Variants in ADGRL2 observed in about 807,000 individuals in gnomAD.
ADGRL2 encodes adhesion G protein-coupled receptor L2.
Under a neutral mutation model 157.4 loss-of-function variants are expected in ADGRL2, and 44 were observed. The ratio of observed to expected loss-of-function variants is 0.28; its 90% confidence interval spans 0.22 to 0.36. The LOEUF (loss-of-function observed/expected upper bound fraction) is 0.36, where lower values mean the gene tolerates loss of function less well. Among genes scored for constraint, ADGRL2 ranks in the 10% least tolerant of loss-of-function variants. The pLI is 1.00. For missense variants in ADGRL2, 1,510 were observed against 1,768.9 expected (o/e 0.85, Z 2.63); for synonymous variants, 585 against 624.7 (o/e 0.94, Z 0.95).
chr1:81,467,871 A>AACTTC (rs10655627), intron 2 of ADGRL2, among the ~76,000 whole-genome samples: 2 of 151,970 alleles, frequency 1.3e-5, no homozygotes, highest in African/African-American at 4.8e-5. Context: ...TAAAAATGTT[A>AACTTC]TGAAGTATAA....
intron 1 of ADGRL2, among the ~76,000 whole-genome samples, chr1:81,732,598 TAGC>T (rs2149183847): frequency 6.6e-6 from 1 of 152,228 alleles, no homozygotes; most frequent in African/African-American, 2.4e-5. Flanking sequence ...CAAACTGAAA[TAGC>T]AGCTGTGAAA....
chr1:81,749,171 T>G (rs2085409890), intron 1 of ADGRL2, among the ~76,000 whole-genome samples: 1 of 152,208 alleles, frequency 6.6e-6, no homozygotes, highest in Non-Finnish European at 1.5e-5. Flanking sequence ...TTTCTTTCCC[T>G]TCTACCTTCC....
upstream of ADGRL2, among the ~76,000 whole-genome samples, chr1:81,694,785 C>A (rs1286582863): frequency 6.6e-6 from 1 of 152,038 alleles, no homozygotes; most frequent in Admixed American, 6.6e-5. Flanking sequence ...CTGTGGCTTC[C>A]AGTACTGCAT....
chr1:81,868,525 A>G (rs886348043), intron 2 of ADGRL2, among the ~76,000 whole-genome samples: 2 of 152,044 alleles, frequency 1.3e-5, no homozygotes, highest in African/African-American at 2.4e-5. Context: ...GTTCAGCCAT[A>G]CTGATCTTAT....
chr1:81,517,197 G>T (rs1457693660), intron 2 of ADGRL2, among the ~76,000 whole-genome samples: 1 of 151,962 alleles, frequency 6.6e-6, no homozygotes, highest in Admixed American at 6.6e-5. Context: ...AACCGGCCGG[G>T]CACGGTGGCT....
At chr1:81,803,552 C>T (rs2088640472) in intron 1 of ADGRL2, among the ~76,000 whole-genome samples, 1 of 152,038 alleles carries the variant, frequency 6.6e-6, no homozygotes. Context: ...CATCTTTTCT[C>T]CCTCTCCCCG....
intron 2 of ADGRL2, among the ~76,000 whole-genome samples, chr1:81,771,555 ATC>A (rs2086370102): frequency 6.6e-6 from 1 of 152,348 alleles, no homozygotes. Context: ...AGGAAAAAAA[ATC>A]TCTCTTGAAA....
intron 3 of ADGRL2, among the ~76,000 whole-genome samples, chr1:81,688,598 T>G (rs2083275482): frequency 6.6e-6 from 1 of 152,206 alleles, no homozygotes; most frequent in Non-Finnish European, 1.5e-5. Context: ...TGGATTTCCT[T>G]GCATTGGGCT....
intron 2 of ADGRL2, among the ~76,000 whole-genome samples, chr1:81,475,837 A>G (rs2078261152): frequency 6.6e-6 from 1 of 152,226 alleles, no homozygotes; most frequent in Non-Finnish European, 1.5e-5. Flanking sequence ...GAGGATGTTC[A>G]GAAAAATTGT....
intron 6 of ADGRL2, among the ~76,000 whole-genome samples, chr1:81,945,832 C>T (rs980462667): frequency 1.3e-5 from 2 of 151,754 alleles, no homozygotes; most frequent in African/African-American, 4.8e-5. Flanking sequence ...TATTATCTGA[C>T]CTAAATTTCT....
intron 2 of ADGRL2, among the ~76,000 whole-genome samples, chr1:81,560,977 A>G (rs978867295): frequency 3.3e-5 from 5 of 152,016 alleles, no homozygotes; most frequent in South Asian, 2.1e-4. Flanking sequence ...CAGTGAAGCT[A>G]TTCTTTCTGC....
intron 3 of ADGRL2, among the ~76,000 whole-genome samples, chr1:81,925,094 A>G (rs2095073770): frequency 6.6e-6 from 1 of 152,098 alleles, no homozygotes; most frequent in African/African-American, 2.4e-5. Flanking sequence ...TCTATGTGGG[A>G]AAGAAGGACA....
intron 2 of ADGRL2, among the ~76,000 whole-genome samples, chr1:81,855,207 G>A (rs921809093): frequency 2.0e-5 from 3 of 152,172 alleles, no homozygotes; most frequent in Non-Finnish European, 4.4e-5. Context: ...GGGAGACTGA[G>A]GTGGGAGGAT....
chr1:81,527,018 A>G (rs1365339006), intron 2 of ADGRL2, among the ~76,000 whole-genome samples: 1 of 152,232 alleles, frequency 6.6e-6, no homozygotes, highest in African/African-American at 2.4e-5. Flanking sequence ...ATTAAAATCA[A>G]AATGATCTTT....
intron 1 of ADGRL2, among the ~76,000 whole-genome samples, chr1:81,313,000 T>A (rs1389018053): frequency 6.6e-6 from 1 of 152,072 alleles, no homozygotes; most frequent in Admixed American, 6.6e-5. Context: ...ATGGAAAAAA[T>A]ACCCATTTCT....
chr1:81,515,180 C>A (rs1231595582), intron 2 of ADGRL2: 1 of 151,896 alleles, frequency 6.6e-6, no homozygotes, highest in Non-Finnish European at 1.5e-5. Context: ...CACATCACCA[C>A]AAAGACAAGA....
At position 81,380,476 on chromosome 1, in the gene ADGRL2, GTTGT is replaced by G. The variant is rs144771584; in HGVS notation, c.-301-64557_-301-64554del. Among the ~76,000 whole-genome samples, 142 of 151,914 alleles carry G rather than the reference GTTGT, an allele frequency of 9.3e-4. 1 individual carries two copies. The East Asian group carries it at 0.026, about 28-fold the overall frequency. On this transcript the variant is annotated intron_variant, in intron 1 of 24. Coordinates refer to the ADGRL2 transcript ENST00000370721. ...TCTAGCTATTTACTTCTTTTTTGTT[GTTGT>G]TTAACAATGGTTTGATTTGTTAAAA...
At chr1:81,721,681 T>C (rs553399969) in intron 1 of ADGRL2, 1 of 1,218,024 alleles carries the variant, frequency 8.2e-7, no homozygotes, top group Admixed American at 1.7e-5. Flanking sequence ...CTTCGCCCAC[T>C]GCTTCCTGAC....
intron 1 of ADGRL2, among the ~76,000 whole-genome samples, chr1:81,757,746 C>A (rs1387904268): frequency 6.6e-6 from 1 of 152,130 alleles, no homozygotes. Flanking sequence ...CAAAAGTTAG[C>A]TTTTCTTGTT....
Sources: gnomAD v4.1 joint callset for allele counts (sites outside exome capture counted in the v4.1 genomes callset) on GRCh38, gnomAD v4.1.1 for gene constraint, MANE v1.5 for transcripts, NCBI Gene and HGNC (gene_info 2026-07-23, HGNC 2026-07-21) for gene names.